The following CCDC170 variants were observed in gnomAD, a reference collection of about 807,000 sequenced individuals.
CCDC170 encodes coiled-coil domain containing 170.
In CCDC170, 69 loss-of-function variants were observed where a neutral mutation model predicts 72.6. That is an observed-to-expected ratio of 0.95 (90% CI 0.78 to 1.16). The LOEUF (loss-of-function observed/expected upper bound fraction) is 1.16, where lower values mean the gene tolerates loss of function less well. Ranked by LOEUF, CCDC170 falls within the 50% of genes most tolerant of loss-of-function variation. The pLI, the probability that CCDC170 is intolerant of heterozygous loss-of-function variation, is 0.00. For synonymous variants in CCDC170, 300 were observed against 303.9 expected (o/e 0.99, Z 0.13); for missense variants, 852 against 832.5 (o/e 1.02, Z -0.29).
chr6:151,567,006 T>C (rs1047713365), intron 5 of CCDC170, among the ~76,000 whole-genome samples: 1 of 152,148 alleles, frequency 6.6e-6, no homozygotes, highest in Admixed American at 6.5e-5. Context: ...CTGCAACTTC[T>C]GCCTCCTGGG....
chr6:151,518,726 G>A (rs1345141626), intron 1 of CCDC170, among the ~76,000 whole-genome samples: 1 of 152,184 alleles, frequency 6.6e-6, no homozygotes, highest in Non-Finnish European at 1.5e-5. Flanking sequence ...AAGAGAAAGA[G>A]TACAGAGAGG....
At chr6:151,507,753 T>C (rs2115022742) in intron 1 of CCDC170, among the ~76,000 whole-genome samples, 1 of 151,988 alleles carries the variant, frequency 6.6e-6, no homozygotes, top group South Asian at 2.1e-4. Context: ...AAACCCTGTA[T>C]CTACTAAAAA....
intron 5 of CCDC170, among the ~76,000 whole-genome samples, chr6:151,572,055 A>G (rs1038283258): frequency 6.6e-6 from 1 of 152,090 alleles, no homozygotes; most frequent in African/African-American, 2.4e-5. Context: ...GGGTTTACCA[A>G]GTTGCCCAGG....
At chr6:151,561,368 C>G (rs1000315200) in intron 5 of CCDC170, among the ~76,000 whole-genome samples, 2 of 151,984 alleles carry the variant, frequency 1.3e-5, no homozygotes, top group Non-Finnish European at 1.5e-5. Flanking sequence ...TCTTTCATTT[C>G]CATGTTTAGA....
intron 5 of CCDC170, among the ~76,000 whole-genome samples, chr6:151,549,501 C>T (rs1310485541): frequency 6.6e-6 from 1 of 152,164 alleles, no homozygotes; most frequent in African/African-American, 2.4e-5. Context: ...TCTAAATGTA[C>T]AGGAGTATAT....
chr6:151,606,928 G>T (rs1583049115), intron 9 of CCDC170, among the ~76,000 whole-genome samples: 1 of 151,598 alleles, frequency 6.6e-6, no homozygotes, highest in African/African-American at 2.4e-5. Flanking sequence ...AGCTAGTTCT[G>T]CTTGATTTTG....
chr6:151,506,297 G>T (rs1782066029), intron 1 of CCDC170, among the ~76,000 whole-genome samples: 1 of 152,164 alleles, frequency 6.6e-6, no homozygotes, highest in East Asian at 1.9e-4. Context: ...GCCAAGAAAT[G>T]ATTATAGTTT....
chr6:151,552,330 C>A (rs1782893470), intron 5 of CCDC170, among the ~76,000 whole-genome samples: 1 of 152,000 alleles, frequency 6.6e-6, no homozygotes, highest in African/African-American at 2.4e-5. Context: ...TTCTCTTCTG[C>A]AGTTAAGTTT....
chr6:151,495,125 A>C (rs1198753214), intron 1 of CCDC170, among the ~76,000 whole-genome samples: 5 of 152,240 alleles, frequency 3.3e-5, no homozygotes, highest in Admixed American at 2.6e-4. Context: ...TGGATTCTCC[A>C]ACGTGCCATC....
chr6:151,559,989 G>A (rs963267174), intron 5 of CCDC170, among the ~76,000 whole-genome samples: 3 of 152,008 alleles, frequency 2.0e-5, no homozygotes, highest in African/African-American at 4.8e-5. Flanking sequence ...TTGGCCTTGG[G>A]TTGAGTTTGT....
chr6:151,535,327 A>C (rs1189049280), intron 1 of CCDC170, among the ~76,000 whole-genome samples: 11 of 152,138 alleles, frequency 7.2e-5, no homozygotes, highest in Non-Finnish European at 1.6e-4. Context: ...CCACCAGTGG[A>C]GCTGAGACCT....
chr6:151,513,154 G>C lies in CCDC170; in HGVS notation c.57+18969G>C, dbSNP rs183525627. 1.7e-3 allele frequency among the ~76,000 whole-genome samples: 258 copies of C among 152,242 alleles called. 3 individuals carry two copies. Among genetic ancestry groups the C allele is most frequent in the Non-Finnish European group, 3.2e-3 (218 of 68,012 alleles). Reference sequence around the variant, plus strand: ...GGGAGAGTAGTCAACTTAAAATACAGCTTTATGATGGAATATTGTGCAGCT... The same window carrying C: ...GGGAGAGTAGTCAACTTAAAATACACCTTTATGATGGAATATTGTGCAGCT... On this transcript the variant is annotated intron_variant, in intron 1 of 10. Coordinates refer to ENST00000239374, the MANE Select transcript of CCDC170 (RefSeq NM_025059.4).
Position 151,548,449 on chromosome 6 carries a change from A to G in CCDC170, c.734A>G (p.Lys245Arg). 1 of 1,609,408 alleles carries G rather than the reference A, an allele frequency of 6.2e-7. No homozygotes were observed. Among genetic ancestry groups the G allele is most frequent in the Non-Finnish European group, 8.5e-7 (1 of 1,178,044 alleles). ...LASEVNREQKKAASCTEEKEK... is the reference protein window; with the variant it reads ...LASEVNREQKRAASCTEEKEK... ...TCAGAAGTCAACAGAGAGCAGAAAA[A>G]AGCTGCCTCCTGTACTGAAGAGAAA... Residue 245 changes from lysine to arginine, a missense_variant, in exon 5 of 11, where the codon AAA becomes AGA. Transcript: ENST00000239374.
chr6:151,557,755 G>T (rs1783006751), intron 5 of CCDC170, among the ~76,000 whole-genome samples: 1 of 152,160 alleles, frequency 6.6e-6, no homozygotes, highest in Non-Finnish European at 1.5e-5. Context: ...TCTAACTGGG[G>T]TTAGATGATA....
At chr6:151,541,886 A>ATTTTT (rs547158203) in intron 3 of CCDC170, among the ~76,000 whole-genome samples, 1 of 137,156 alleles carries the variant, frequency 7.3e-6, no homozygotes, top group African/African-American at 2.8e-5. Context: ...ATATATATAT[A>ATTTTT]TTTTTTTTTT....
At chr6:151,528,189 C>A (rs1782440547) in intron 1 of CCDC170, among the ~76,000 whole-genome samples, 1 of 152,070 alleles carries the variant, frequency 6.6e-6, no homozygotes, top group South Asian at 2.1e-4. Flanking sequence ...CTGAGAGGTA[C>A]CTAATAACTT....
chr6:151,548,994 G>A (rs568050863), intron 5 of CCDC170, among the ~76,000 whole-genome samples: 6 of 152,192 alleles, frequency 3.9e-5, no homozygotes, highest in African/African-American at 1.4e-4. Context: ...CCGCCACCCT[G>A]GTTCACACCA....
intron 5 of CCDC170, among the ~76,000 whole-genome samples, chr6:151,553,698 G>A (rs924470021): frequency 2.1e-4 from 32 of 151,924 alleles, no homozygotes; most frequent in African/African-American, 7.5e-4. Context: ...CATTCACTTT[G>A]GGATGAAGTT....
At chr6:151,501,422 C>T (rs753104023) in intron 1 of CCDC170, among the ~76,000 whole-genome samples, 1 of 152,040 alleles carries the variant, frequency 6.6e-6, no homozygotes, top group Admixed American at 6.6e-5. Flanking sequence ...TTGTATAAGT[C>T]GTTATTATTA....
Sources: allele counts gnomAD v4.1 joint callset (sites outside exome capture counted in the v4.1 genomes callset), GRCh38; gene constraint gnomAD v4.1.1; transcripts MANE v1.5; gene names NCBI Gene and HGNC (gene_info 2026-07-23, HGNC 2026-07-21).